Variants in TMEM117 observed in about 807,000 individuals in gnomAD.
The protein encoded by TMEM117 is transmembrane protein 117.
TMEM117 carries 27 observed loss-of-function variants against 52.4 expected under a neutral mutation model. The observed-to-expected ratio is 0.51, with a 90% CI of 0.38 to 0.71. The LOEUF (loss-of-function observed/expected upper bound fraction) is 0.71, where lower values mean the gene tolerates loss of function less well. Among genes scored for constraint, TMEM117 ranks in the 30% least tolerant of loss-of-function variants. TMEM117 has a pLI of 0.00. For missense variants in TMEM117, 556 were observed against 630.5 expected (o/e 0.88, Z 1.26); for synonymous variants, 215 against 206.3 (o/e 1.04, Z -0.36).
intron 4 of TMEM117, among the ~76,000 whole-genome samples, chr12:44,201,608 A>T (rs1949496375): frequency 1.3e-5 from 2 of 152,306 alleles, no homozygotes; most frequent in Non-Finnish European, 1.5e-5. Context: ...GGAAAGATGG[A>T]AAAAAATAAT....
At chr12:44,191,310 A>C (rs942833230) in intron 4 of TMEM117, among the ~76,000 whole-genome samples, 5 of 152,142 alleles carry the variant, frequency 3.3e-5, no homozygotes, top group African/African-American at 1.2e-4. Context: ...ACTACAATTC[A>C]AGATAAAATT....
chr12:44,269,383 C>A (rs748775311), intron 5 of TMEM117, among the ~76,000 whole-genome samples: 15 of 152,052 alleles, frequency 9.9e-5, no homozygotes, highest in Non-Finnish European at 1.9e-4. Context: ...AAAAATGTAT[C>A]CGTTTCACAC....
At chr12:43,977,633 C>A (rs1020359271) in intron 3 of TMEM117, among the ~76,000 whole-genome samples, 2 of 152,106 alleles carry the variant, frequency 1.3e-5, no homozygotes, top group African/African-American at 4.8e-5. Flanking sequence ...AGGGTCCTTA[C>A]TCATATTCCC....
intron 3 of TMEM117, among the ~76,000 whole-genome samples, chr12:44,013,466 G>A (rs1946327290): frequency 6.6e-6 from 1 of 152,140 alleles, no homozygotes; most frequent in African/African-American, 2.4e-5. Context: ...GGTAGGTTAG[G>A]CTCTGATAAA....
At chr12:44,130,514 A>G (rs937659615) in intron 3 of TMEM117, among the ~76,000 whole-genome samples, 1 of 152,116 alleles carries the variant, frequency 6.6e-6, no homozygotes, top group Non-Finnish European at 1.5e-5. Flanking sequence ...TAATTATATA[A>G]TGTTTTTGGT....
chr12:44,335,725 A>G (rs1318341858), intron 6 of TMEM117, among the ~76,000 whole-genome samples: 5 of 152,072 alleles, frequency 3.3e-5, no homozygotes, highest in Non-Finnish European at 5.9e-5. Context: ...TGTTAAAAAT[A>G]TATACCTGTT....
rs200123553 is a variant in TMEM117, at chr12:44,375,021, CATT to C, written c.769-1558_769-1556del. ...TAAATTCAATGTCTATTATTATTAT[CATT>C]ATTATTATTATTATTGCAAACGTCT... On this transcript the variant is annotated intron_variant, in intron 6 of 7. Transcript: ENST00000266534. Among the ~76,000 whole-genome samples, 6 of 151,596 alleles carry C rather than the reference CATT, an allele frequency of 4.0e-5. No individual in the cohort carries two copies. The East Asian group carries it at 5.8e-4, about 15-fold the overall frequency.
At chr12:43,815,910 C>A in the TMEM117 span, among the ~76,000 whole-genome samples, 1 of 152,168 alleles carries the variant, frequency 6.6e-6, no homozygotes, top group African/African-American at 2.4e-5. Flanking sequence ...CTTTTGTTTG[C>A]CACTCAAATG....
intron 3 of TMEM117, among the ~76,000 whole-genome samples, chr12:43,959,050 G>A (rs555035270): frequency 4.6e-5 from 7 of 152,044 alleles, no homozygotes; most frequent in African/African-American, 1.4e-4. Flanking sequence ...CTCGTGATCC[G>A]CCCGCCTTGG....
intron 3 of TMEM117, among the ~76,000 whole-genome samples, chr12:44,089,279 T>G (rs1192242697): frequency 3.3e-5 from 5 of 152,208 alleles, no homozygotes; most frequent in African/African-American, 1.2e-4. Context: ...AGAAATATAA[T>G]AAATGCTTTA....
At chr12:44,227,246 G>T (rs1949874138) in intron 5 of TMEM117, among the ~76,000 whole-genome samples, 1 of 152,126 alleles carries the variant, frequency 6.6e-6, no homozygotes, top group Non-Finnish European at 1.5e-5. Context: ...TCCAAGGCAG[G>T]CAGATTGCTT....
At position 44,220,806 on chromosome 12, in the gene TMEM117, A is replaced by G. The variant is rs142481167; in HGVS notation, c.608+9419A>G. On this transcript the variant is annotated intron_variant, in intron 5 of 7. Coordinates refer to ENST00000266534, the MANE Select transcript of TMEM117 (RefSeq NM_032256.3). The stretch of plus-strand genomic sequence containing the variant: ...CAACCCAAAAGAAGTCTCAATGGCC[A>G]AAGCTAGAGAAATTTGGTCAACAAA... 2.3e-4 allele frequency among the ~76,000 whole-genome samples: 35 copies of G among 152,320 alleles called. No individual in the cohort carries two copies. The East Asian group carries it at 6.8e-3, about 29-fold the overall frequency.
Position 44,071,977 on chromosome 12 carries a change from A to G in TMEM117, c.411-71548A>G, listed in dbSNP as rs145858849. Among the ~76,000 whole-genome samples, 230 of 152,340 alleles carry G rather than the reference A, an allele frequency of 1.5e-3. 3 individuals carry two copies. Among genetic ancestry groups the G allele is most frequent in the African/African-American group, 5.2e-3 (216 of 41,586 alleles). ...CTTTGATGTAGATTTTCTGCAAATGACATTTCAAGAAATATTGCTTTAAAT... is the reference window on the plus strand; with the variant it reads ...CTTTGATGTAGATTTTCTGCAAATGGCATTTCAAGAAATATTGCTTTAAAT... On this transcript the variant is annotated intron_variant, in intron 3 of 7. Coordinates refer to ENST00000266534, the MANE Select transcript of TMEM117 (RefSeq NM_032256.3).
At chr12:44,083,296 C>T (rs2638853) in intron 3 of TMEM117, among the ~76,000 whole-genome samples, 43,462 of 151,334 alleles carry the variant, frequency 0.29, 11,782 homozygotes, top group African/African-American at 0.72. Flanking sequence ...TAATGACAAA[C>T]TGTTTTCAAA....
chr12:44,089,873 A>G (rs1947633859), intron 3 of TMEM117, among the ~76,000 whole-genome samples: 1 of 152,202 alleles, frequency 6.6e-6, no homozygotes, highest in Admixed American at 6.5e-5. Context: ...CAATTCTTAA[A>G]CAAATAGGTG....
At position 44,129,318 on chromosome 12, in the gene TMEM117, A is replaced by C. The variant is rs555662235; in HGVS notation, c.411-14207A>C. Among the ~76,000 whole-genome samples, 43 of 152,206 alleles carry C rather than the reference A, an allele frequency of 2.8e-4. No individual in the cohort carries two copies. In the South Asian group the frequency reaches 3.9e-3, roughly 14 times the overall value. On this transcript the variant is annotated intron_variant, in intron 3 of 7. Coordinates refer to ENST00000266534, the MANE Select transcript of TMEM117 (RefSeq NM_032256.3). Reference sequence around the variant, plus strand: ...AGTTTTTGTTTGGAGACGTCTCATCATTCTTCTGTAGCGCTGGGCCTGTCA... The same window carrying C: ...AGTTTTTGTTTGGAGACGTCTCATCCTTCTTCTGTAGCGCTGGGCCTGTCA...
At chr12:44,300,619 A>G (rs1462260075) in intron 6 of TMEM117, among the ~76,000 whole-genome samples, 1 of 152,142 alleles carries the variant, frequency 6.6e-6, no homozygotes, top group Non-Finnish European at 1.5e-5. Context: ...GTCTCAAAAG[A>G]GAATAACAGT....
intron 2 of TMEM117, among the ~76,000 whole-genome samples, chr12:43,904,032 G>T (rs565582380): frequency 6.6e-6 from 1 of 152,106 alleles, no homozygotes; most frequent in African/African-American, 2.4e-5. Flanking sequence ...ATAAGTGAAT[G>T]CCTGGTCATT....
chr12:43,853,175 A>T (rs919213595), intron 2 of TMEM117, among the ~76,000 whole-genome samples: 2 of 152,186 alleles, frequency 1.3e-5, no homozygotes, highest in African/African-American at 4.8e-5. Flanking sequence ...TTACCTTTTA[A>T]TTTTCAGTGC....
Sources: allele counts gnomAD v4.1 joint callset (sites outside exome capture counted in the v4.1 genomes callset), GRCh38; gene constraint gnomAD v4.1.1; transcripts MANE v1.5; gene names NCBI Gene and HGNC (gene_info 2026-07-23, HGNC 2026-07-21).